The following STAT5A variants were observed in gnomAD, a reference collection of about 807,000 sequenced individuals.
STAT5A encodes the protein epididymis secretory sperm binding protein.
A neutral mutation model predicts 100.2 loss-of-function variants in STAT5A; 26 were observed. The ratio of observed to expected loss-of-function variants is 0.26; its 90% CI spans 0.19 to 0.36. The LOEUF (loss-of-function observed/expected upper bound fraction) is 0.36, where lower values mean the gene tolerates loss of function less well. Ranked by LOEUF, STAT5A falls within the 10% of genes least tolerant of loss-of-function variation. The pLI is 1.00. For synonymous variants in STAT5A, 330 were observed against 424.3 expected, an observed-to-expected ratio of 0.78 and a Z score of 2.73; for missense variants, 634 against 1,027.5, an observed-to-expected ratio of 0.62 and a Z score of 5.24.
chr17:42,294,632 TC>T (rs1274196914), intron 4 of STAT5A, among the ~76,000 whole-genome samples: 1 of 152,140 alleles, frequency 6.6e-6, no homozygotes, highest in Non-Finnish European at 1.5e-5. Flanking sequence ...CTCAGGAGGA[TC>T]TGATGCCAGA....
Position 42,305,601 on chromosome 17 carries a change from C to G in STAT5A, c.1381-9C>G. 2 of 1,613,932 alleles carry G rather than the reference C, an allele frequency of 1.2e-6. No homozygotes were observed. The highest frequency in any genetic ancestry group is 1.7e-6 in the Non-Finnish European group (2 of 1,179,810). ...GCCCCATCAACTTGGGTTCCTTTGA[C>G]TCCTGTAGACTCTGTCCCTACCTGT... On this transcript the variant is annotated splice_polypyrimidine_tract_variant and intron_variant, in intron 11 of 18. Coordinates refer to ENST00000590949, the MANE Select transcript of STAT5A (RefSeq NM_001288718.2).
At chr17:42,294,482 G>A (rs2080900176) in intron 4 of STAT5A, among the ~76,000 whole-genome samples, 1 of 152,172 alleles carries the variant, frequency 6.6e-6, no homozygotes, top group Non-Finnish European at 1.5e-5. Context: ...CCTAGCCCTT[G>A]GGAACCTCAC....
chr17:42,299,418 A>G (rs1329102298), intron 5 of STAT5A, among the ~76,000 whole-genome samples: 1 of 152,210 alleles, frequency 6.6e-6, no homozygotes, highest in Non-Finnish European at 1.5e-5. Context: ...TACACCCCAG[A>G]CAGCCTGGAC....
At chr17:42,301,222 C>T in intron 8 of STAT5A, 53 bp from the exon 9 acceptor site, 1 of 1,588,400 alleles carries the variant, frequency 6.3e-7, no homozygotes, top group Non-Finnish European at 8.6e-7. Flanking sequence ...GACTGAGAGC[C>T]CTTTCCCCTG....
Position 42,299,868 on chromosome 17 carries a change from A to G in STAT5A, c.668A>G (p.Gln223Arg). Residue 223 changes from glutamine (Q) to arginine (R), a missense_variant, in exon 6 of 19, where the codon CAG becomes CGG. Physicochemically the swap from Gln to Arg is conservative, Grantham distance 43. Transcript: ENST00000590949. ...AWLQREAQTL[Q>R]QYRVELAEKH... ...TTGCAGCGTGAGGCACAGACACTGC[A>G]GCAGTACCGCGTGGTGAGTGGGGTC... The G allele has an allele frequency of 6.2e-7, 1 of 1,609,758 alleles. No individual in the cohort carries two copies. The highest frequency in any genetic ancestry group is 2.2e-5 in the East Asian group (1 of 44,764).
chr17:42,299,005 C>T (rs1352512647), intron 5 of STAT5A, among the ~76,000 whole-genome samples: 1 of 151,956 alleles, frequency 6.6e-6, no homozygotes, highest in Admixed American at 6.5e-5. Context: ...GCTGGGCTCA[C>T]AGTGAGCCCA....
chr17:42,302,256 G>A (rs2080987656), intron 9 of STAT5A, among the ~76,000 whole-genome samples: 1 of 152,220 alleles, frequency 6.6e-6, no homozygotes, highest in Non-Finnish European at 1.5e-5. Flanking sequence ...ACAGAACTGG[G>A]CTGTCTTCTC....
At chr17:42,305,281 T>A (rs2081017568) in intron 11 of STAT5A, among the ~76,000 whole-genome samples, 1 of 152,018 alleles carries the variant, frequency 6.6e-6, no homozygotes, top group Non-Finnish European at 1.5e-5. Flanking sequence ...GGAGGGTGGA[T>A]CACCTGAGGT....
chr17:42,307,082 TCA>T (rs1380988700), intron 13 of STAT5A, among the ~76,000 whole-genome samples: 1 of 152,160 alleles, frequency 6.6e-6, no homozygotes, highest in Non-Finnish European at 1.5e-5. Flanking sequence ...TCTCTGTGCC[TCA>T]GTTTCCCCAC....
intron 5 of STAT5A, 150 bp from the exon 6 acceptor site, chr17:42,299,601 G>T: frequency 7.5e-7 from 1 of 1,330,198 alleles, no homozygotes. Flanking sequence ...CATTCATCTT[G>T]GCCCCCCTGG....
intron 17 of STAT5A, 131 bp downstream of exon 17, chr17:42,309,229 C>G: frequency 1.9e-6 from 3 of 1,564,868 alleles, no homozygotes; most frequent in Non-Finnish European, 2.6e-6. Flanking sequence ...GGAGGGAGTC[C>G]CCTCTCCTGT....
intron 9 of STAT5A, among the ~76,000 whole-genome samples, chr17:42,303,992 G>T (rs9907453): frequency 0.17 from 26,354 of 152,078 alleles, 2,548 homozygotes; most frequent in East Asian, 0.36. Context: ...AGGCCAGGGG[G>T]GTGGGTAGGT....
chr17:42,290,230 T>C, intron 3 of STAT5A: 3 of 649,040 alleles, frequency 4.6e-6, no homozygotes, highest in Non-Finnish European at 7.1e-6. Context: ...TGGGAGGTGT[T>C]TGTTGCCAAC....
chr17:42,310,860 C>T lies in STAT5A; in HGVS notation c.*191C>T. On this transcript the variant is annotated 3_prime_UTR_variant, in exon 19 of 19. Transcript: ENST00000590949. ...CAGTCCTGGGATGTGGCTGCAGCAG[C>T]GGTGGCCTCTTTTCAGATCATGGCA... 2 of 970,556 alleles carry T rather than the reference C, an allele frequency of 2.1e-6. No individual in the cohort carries two copies. The highest frequency in any genetic ancestry group is 3.0e-6 in the Non-Finnish European group (2 of 673,378). The allele number at this position is 970,556 out of a possible 1,614,324, so 60.1% of individuals were successfully genotyped here.
Position 42,309,084 on chromosome 17 carries a change from G to A in STAT5A, c.2100G>A (p.Lys700=). 6.2e-7 allele frequency: 1 copy of A among 1,614,178 alleles called. No individual in the cohort carries two copies. Among genetic ancestry groups the A allele is most frequent in the Non-Finnish European group, 8.5e-7 (1 of 1,180,028 alleles). Residue 700 remains lysine (K), a synonymous_variant, in exon 17 of 19, where the codon AAG becomes AAA. Transcript: ENST00000590949. ...AVDGYVKPQI[K]QVVPEFVNAS... is the part of the protein sequence containing the mutation. ...ATGGATATGTGAAACCACAGATCAAGCAAGTGGTCCCTGAGTAAGTGTCCA... is the reference window on the plus strand; with the variant it reads ...ATGGATATGTGAAACCACAGATCAAACAAGTGGTCCCTGAGTAAGTGTCCA...
rs182929152 is a variant in STAT5A at position 42,295,182 on chromosome 17, A to G, written c.376-437A>G. On this transcript the variant is annotated intron_variant, in intron 4 of 18. Transcript: ENST00000590949. ...TGTTCACACAGCCCTGTTCCTCCCT[A>G]TGTCCCTAGGATCTACTGCAGTCCA... is the stretch of plus-strand genomic sequence containing the variant. Among the ~76,000 whole-genome samples, 175 of 152,182 alleles carry G rather than the reference A, an allele frequency of 1.1e-3. 1 individual carries two copies. Among genetic ancestry groups the G allele is most frequent in the African/African-American group, 4.0e-3 (167 of 41,522 alleles).
chr17:42,300,923 G>A, intron 8 of STAT5A, 53 bp downstream of exon 8: 22 of 1,609,650 alleles, frequency 1.4e-5, no homozygotes, highest in Middle Eastern at 1.8e-4. Flanking sequence ...TCCTGCCTGC[G>A]TGGGGGGAGC....
At chr17:42,307,536 G>T (rs1398791876) in intron 14 of STAT5A, 40 bp downstream of exon 14, 2 of 1,614,112 alleles carry the variant, frequency 1.2e-6, no homozygotes, top group Admixed American at 3.3e-5. Context: ...CCAGCTGTGG[G>T]CGCAGAGAGA....
rs2081007155 is a variant in STAT5A at position 42,304,243 on chromosome 17, C to T, written c.1170-99C>T. 2.6e-6 allele frequency: 3 copies of T among 1,136,302 alleles called. No individual in the cohort carries two copies. The highest frequency in any genetic ancestry group is 1.3e-6 in the Non-Finnish European group (1 of 769,050). 70.4% of individuals were successfully genotyped at this position (1,136,302 alleles called of 1,614,324 possible). On this transcript the variant is annotated intron_variant, in intron 9 of 18. Transcript: ENST00000590949. The surrounding 1 kb of genome is among the most constrained non-coding windows in gnomAD (Gnocchi z 4.8). Reference sequence around the variant, plus strand: ...GGGGATACGGGGCAGGGGCTGCTGGCAGGGCTGACCTGAGCGAAGACCCCA... The same window carrying T: ...GGGGATACGGGGCAGGGGCTGCTGGTAGGGCTGACCTGAGCGAAGACCCCA...
Sources: gnomAD v4.1 joint callset for allele counts (sites outside exome capture counted in the v4.1 genomes callset) on GRCh38, gnomAD v4.1.1 for gene constraint, Gnocchi (gnomAD v3.1) non-coding constraint, MANE v1.5 for transcripts, NCBI Gene and HGNC (gene_info 2026-07-23, HGNC 2026-07-21) for gene names.